The following FANCA variants were observed in gnomAD, a reference collection of about 807,000 sequenced individuals.
FANCA encodes the protein FA complementation group A.
In FANCA, 236 loss-of-function variants were observed where a neutral mutation model predicts 194.3. That is an observed-to-expected ratio of 1.21 (90% CI 1.09 to 1.35). The LOEUF (loss-of-function observed/expected upper bound fraction) is 1.35. FANCA is among the 40% of genes most tolerant of loss of function. The pLI is 0.00. For missense variants in FANCA, 2,628 were observed against 1,813.9 expected (o/e 1.45, Z -8.15); for synonymous variants, 1,014 against 715.8 (o/e 1.42, Z -6.65).
At position 89,800,261 on chromosome 16, in the gene FANCA, C is replaced by T. The variant is rs909240698; in HGVS notation, c.793-623G>A. The stretch of plus-strand genomic sequence containing the variant: ...TGGGCTGTGGAACTAAGGACTTTCA[C>T]CCTTGATGCCTCTGGAGCCAGAAGA... On this transcript the variant is annotated intron_variant, in intron 8 of 42. Coordinates refer to ENST00000389301, the MANE Select transcript of FANCA (RefSeq NM_000135.4). Among the ~76,000 whole-genome samples, 3 of 152,192 alleles carry T rather than the reference C, an allele frequency of 2.0e-5. No homozygotes were observed. In the East Asian group the frequency reaches 5.8e-4, roughly 29 times the overall value.
chr16:89,738,640 G>A lies in FANCA; in HGVS notation c.4329C>T (p.Ala1443=), dbSNP rs371228419. 7 of 1,613,592 alleles carry A rather than the reference G, an allele frequency of 4.3e-6. No homozygotes were observed. The highest frequency in any genetic ancestry group is 4.0e-5 in the African/African-American group (3 of 74,928). Residue 1443 remains alanine (A), a synonymous_variant, in exon 43 of 43, where the codon GCC becomes GCT. Transcript: ENST00000389301. ...GCTCCTGGGACAGGTCAGCGTCAGGGGCAGCCTGCTGTCTGCTCTGGAGGG... is the reference window on the plus strand; with the variant it reads ...GCTCCTGGGACAGGTCAGCGTCAGGAGCAGCCTGCTGTCTGCTCTGGAGGG... ...SAALQSRQQA[A]PDADLSQEPH... is the part of the protein sequence containing the mutation.
Position 89,742,653 on chromosome 16 carries a change from CAAAAAAA to C in FANCA, c.3765+140_3765+146del, listed in dbSNP as rs749345470. On this transcript the variant is annotated intron_variant, in intron 37 of 42. Transcript: ENST00000389301. ...TGAAACCCCGTCTCTACTAAAAATA[CAAAAAAA>C]AAAAAAAAAAAAAAAAGTCTTGCTC... 4,433 of 310,788 alleles carry C rather than the reference CAAAAAAA, an allele frequency of 0.014. 113 individuals carry two copies. In the African/African-American group the frequency reaches 0.17, roughly 12 times the overall value. 19.3% of individuals were successfully genotyped at this position (310,788 alleles called of 1,614,324 possible). A position where few individuals can be genotyped will look rare whatever the true frequency, so the allele number is the denominator to read the frequency against.
At position 89,815,893 on chromosome 16, in the gene FANCA, T is replaced by A. The variant is rs746705026; in HGVS notation, c.173A>T (p.Asn58Ile). 19 of 1,613,722 alleles carry A rather than the reference T, an allele frequency of 1.2e-5. No homozygotes were observed. The highest frequency in any genetic ancestry group is 1.6e-5 in the Non-Finnish European group (19 of 1,179,618). Residue 58 changes from asparagine to isoleucine, a missense_variant, in exon 2 of 43, where the codon AAT (asparagine) becomes ATT (isoleucine). Physicochemically the swap from Asn to Ile is moderately radical, Grantham distance 149. Transcript: ENST00000389301. ...TCCTCTTACCTCAAGCAAAAGGGCA[T>A]TCAGGTCCTGATGGCTTCGCAGGAG... ...VRLLRSHQDLNALLLEVEGPL... is the reference protein window; with the variant it reads ...VRLLRSHQDLIALLLEVEGPL...
chr16:89,803,129 C>G (rs2040514360), intron 8 of FANCA, 130 bp downstream of exon 8: 2 of 892,622 alleles, frequency 2.2e-6, no homozygotes, highest in Non-Finnish European at 3.7e-6. Context: ...ATGCACAAAA[C>G]AAGTATCACA....
intron 6 of FANCA, among the ~76,000 whole-genome samples, chr16:89,807,203 A>G (rs1156643884): frequency 1.0e-4 from 11 of 110,320 alleles, no homozygotes; most frequent in Admixed American, 2.0e-4. Context: ...TTTTTTTTTG[A>G]GATGAAATTC....
intron 38 of FANCA, 53 bp from the exon 39 acceptor site, chr16:89,740,152 G>A (rs2062092812): frequency 3.6e-6 from 5 of 1,400,918 alleles, no homozygotes; most frequent in Non-Finnish European, 5.1e-6. Flanking sequence ...TGCTCCCATG[G>A]GTAGGAGGGT....
intron 8 of FANCA, 76 bp downstream of exon 8, chr16:89,803,165 GCACGTTTCAATAGAGAGA>G (rs2040516217): frequency 8.5e-7 from 1 of 1,179,900 alleles, no homozygotes; most frequent in African/African-American, 1.5e-5. Context: ...GGTACAAACA[GCACGTTTCAATAGAGAGA>G]CACGTAAATA....
chr16:89,790,179 A>G (rs1029222580), intron 14 of FANCA, among the ~76,000 whole-genome samples: 1 of 152,066 alleles, frequency 6.6e-6, no homozygotes, highest in African/African-American at 2.4e-5. Flanking sequence ...AGGGAGGCGG[A>G]CCACTTAAGG....
intron 20 of FANCA, among the ~76,000 whole-genome samples, chr16:89,777,021 G>C (rs2039529630): frequency 6.6e-6 from 1 of 151,866 alleles, no homozygotes; most frequent in Non-Finnish European, 1.5e-5. Context: ...AGAAGCCTGG[G>C]CAACACAGCG....
intron 18 of FANCA, 21 bp from the exon 19 acceptor site, chr16:89,779,024 C>G (rs36204980): frequency 1.1e-5 from 18 of 1,611,578 alleles, no homozygotes; most frequent in South Asian, 4.4e-5. Flanking sequence ...GAGAAGCAGA[C>G]AGTGCATCAG....
chr16:89,808,602 TTCTCTTCCTTC>T (rs767923315), intron 5 of FANCA, among the ~76,000 whole-genome samples: 18 of 152,230 alleles, frequency 1.2e-4, no homozygotes, highest in Admixed American at 9.8e-4. Context: ...CAACACTTGC[TTCTCTTCCTTC>T]TCTCTTCCTA....
At position 89,750,214 on chromosome 16, in the gene FANCA, G is replaced by A. The variant is rs148412708; in HGVS notation, c.3067-312C>T. On this transcript the variant is annotated intron_variant, in intron 31 of 42. Coordinates refer to ENST00000389301, the MANE Select transcript of FANCA (RefSeq NM_000135.4). ...TAAGAAAAAACAGCTGGGCGTGGTG[G>A]CTCATGCCTGTAATCCCAGCACTTT... Among the ~76,000 whole-genome samples, 188 of 152,322 alleles carry A rather than the reference G, an allele frequency of 1.2e-3. 1 individual carries two copies. Among genetic ancestry groups the A allele is most frequent in the African/African-American group, 4.3e-3 (177 of 41,568 alleles).
At chr16:89,782,246 G>C (rs551664266) in intron 17 of FANCA, among the ~76,000 whole-genome samples, 1 of 146,766 alleles carries the variant, frequency 6.8e-6, no homozygotes, top group Non-Finnish European at 1.5e-5. Context: ...GCGTGGTGGC[G>C]GGCGCCTGTA....
chr16:89,774,512 C>G (rs1056510768), intron 21 of FANCA, among the ~76,000 whole-genome samples: 2 of 150,612 alleles, frequency 1.3e-5, no homozygotes, highest in Non-Finnish European at 3.0e-5. Context: ...GGGTGGATCA[C>G]GAGGTCAGGA....
At chr16:89,776,012 T>G (rs1208344187) in intron 20 of FANCA, among the ~76,000 whole-genome samples, 197 bp from the exon 21 acceptor site, 2 of 151,682 alleles carry the variant, frequency 1.3e-5, no homozygotes, top group African/African-American at 4.8e-5. Flanking sequence ...TCAAAATATA[T>G]CATATTAATC....
chr16:89,751,409 C>A (rs2038585759), intron 31 of FANCA, among the ~76,000 whole-genome samples: 1 of 152,140 alleles, frequency 6.6e-6, no homozygotes, highest in African/African-American at 2.4e-5. Context: ...GAAGTCAAGG[C>A]TGCAGAGAGA....
In FANCA at chr16:89,807,031, ATCTAACTTGT is replaced by A. The variant is rs561609654; in HGVS notation, c.596+1253_596+1262del. ...GGGCGGCTGTTCTATATCATTCTTA[ATCTAACTTGT>A]TCTACCCATTACTGAAAGGGGAGTA... On this transcript the variant is annotated intron_variant, in intron 6 of 42. Coordinates refer to ENST00000389301, the MANE Select transcript of FANCA (RefSeq NM_000135.4). Among the ~76,000 whole-genome samples the A allele has an allele frequency of 1.4e-4, 21 of 152,252 alleles. 1 individual carries two copies. The South Asian group carries it at 4.1e-3, about 30-fold the overall frequency.
At position 89,805,340 on chromosome 16, in the gene FANCA, G is replaced by C. The variant is rs1005152584; in HGVS notation, c.649C>G (p.Leu217Val). ...CAGGATGCTTCCATCTGTTCACAAA[G>C]GCAGCACAGATTCCTGAAGAGCCAC... The part of the protein sequence containing the change: ...GSWLFRNLCC[L>V]CEQMEASCQH... Residue 217 changes from leucine to valine, a missense_variant, in exon 7 of 43, where the codon CTT (leucine) becomes GTT (valine). Transcript: ENST00000389301. 1 of 1,614,072 alleles carries C rather than the reference G, an allele frequency of 6.2e-7. No homozygotes were observed. The highest frequency in any genetic ancestry group is 8.5e-7 in the Non-Finnish European group (1 of 1,179,984).
At chr16:89,786,434 C>T (rs2039901293) in intron 14 of FANCA, among the ~76,000 whole-genome samples, 1 of 152,118 alleles carries the variant, frequency 6.6e-6, no homozygotes. Flanking sequence ...ACCTTGGCCT[C>T]CCAAAGTGCT....
Sources: allele counts gnomAD v4.1 joint callset (sites outside exome capture counted in the v4.1 genomes callset), GRCh38; gene constraint gnomAD v4.1.1; transcripts MANE v1.5; gene names NCBI Gene and HGNC (gene_info 2026-07-23, HGNC 2026-07-21).